The following LHFPL6 variants were observed in gnomAD, a reference collection of about 807,000 sequenced individuals.
LHFPL6 encodes LHFPL tetraspan subfamily member 6 protein.
Under a neutral mutation model 20.6 loss-of-function variants are expected in LHFPL6, and 9 were observed. That is an observed-to-expected ratio of 0.44 (90% confidence interval 0.26 to 0.76). The LOEUF (loss-of-function observed/expected upper bound fraction) is 0.76. Among genes scored for constraint, LHFPL6 ranks in the 30% least tolerant of loss-of-function variants. The probability of loss-of-function intolerance (pLI) is 0.20; values close to 1 mark genes in which losing one functional copy is unlikely to be tolerated. For synonymous variants in LHFPL6, 105 were observed against 98.7 expected (o/e 1.06, Z -0.38); for missense variants, 218 against 253.5 (o/e 0.86, Z 0.95).
intron 2 of LHFPL6, among the ~76,000 whole-genome samples, chr13:39,547,771 T>G (rs1206979285): frequency 6.6e-6 from 1 of 152,088 alleles, no homozygotes; most frequent in African/African-American, 2.4e-5. Flanking sequence ...TTTCATATTG[T>G]AAGGAATGAT....
chr13:39,391,355 T>G (rs376979328), intron 2 of LHFPL6, among the ~76,000 whole-genome samples: 2 of 152,188 alleles, frequency 1.3e-5, no homozygotes, highest in Admixed American at 6.5e-5. Context: ...GTGGCTATGT[T>G]CCCCTTTGGC....
At chr13:39,550,856 T>C (rs538773367) in intron 2 of LHFPL6, among the ~76,000 whole-genome samples, 2 of 152,264 alleles carry the variant, frequency 1.3e-5, no homozygotes, top group South Asian at 2.1e-4. Context: ...TTAAAGAGTA[T>C]GTTAGGTTTT....
chr13:39,569,202 G>A (rs1871834451), intron 2 of LHFPL6, among the ~76,000 whole-genome samples: 1 of 151,792 alleles, frequency 6.6e-6, no homozygotes, highest in South Asian at 2.1e-4. Flanking sequence ...TTGATGGACA[G>A]ATATAAACTG....
At chr13:39,533,463 A>G (rs550283493) in intron 2 of LHFPL6, among the ~76,000 whole-genome samples, 1 of 152,308 alleles carries the variant, frequency 6.6e-6, no homozygotes, top group South Asian at 2.1e-4. Flanking sequence ...TTCTAAAGGT[A>G]TGGCCGGGAA....
intron 2 of LHFPL6, among the ~76,000 whole-genome samples, chr13:39,464,113 G>A (rs1872746309): frequency 6.6e-6 from 1 of 152,100 alleles, no homozygotes; most frequent in Non-Finnish European, 1.5e-5. Flanking sequence ...TTTCAAGTAG[G>A]TCTGTGACTT....
chr13:39,356,587 T>G (rs760826912), intron 3 of LHFPL6, among the ~76,000 whole-genome samples: 1 of 152,152 alleles, frequency 6.6e-6, no homozygotes, highest in African/African-American at 2.4e-5. Context: ...ACTTGGTTCT[T>G]TGGAAGGATG....
intron 3 of LHFPL6, among the ~76,000 whole-genome samples, chr13:39,346,697 A>G (rs1311113581): frequency 6.6e-6 from 1 of 152,208 alleles, no homozygotes; most frequent in East Asian, 1.9e-4. Flanking sequence ...TATCATCACC[A>G]ACAGCAAAGT....
At chr13:39,479,587 A>G (rs1868435241) in intron 2 of LHFPL6, among the ~76,000 whole-genome samples, 1 of 152,176 alleles carries the variant, frequency 6.6e-6, no homozygotes, top group African/African-American at 2.4e-5. Context: ...TCATAGCTAA[A>G]TTGATACTTA....
At chr13:39,366,600 G>T (rs1870019414) in intron 3 of LHFPL6, among the ~76,000 whole-genome samples, 1 of 152,276 alleles carries the variant, frequency 6.6e-6, no homozygotes, top group East Asian at 1.9e-4. Flanking sequence ...TACTCTATTT[G>T]CAATGTAACA....
intron 2 of LHFPL6, among the ~76,000 whole-genome samples, chr13:39,559,682 G>A (rs963461589): frequency 6.6e-6 from 1 of 152,130 alleles, no homozygotes; most frequent in African/African-American, 2.4e-5. Context: ...CTAGAAGAAC[G>A]GGTGAAAAGT....
chr13:39,494,558 T>C (rs1478048127), intron 2 of LHFPL6, among the ~76,000 whole-genome samples: 1 of 152,190 alleles, frequency 6.6e-6, no homozygotes, highest in Non-Finnish European at 1.5e-5. Flanking sequence ...CTGAATGTTA[T>C]TTATAAAATC....
At chr13:39,389,037 T>C (rs979686333) in intron 2 of LHFPL6, among the ~76,000 whole-genome samples, 1 of 152,206 alleles carries the variant, frequency 6.6e-6, no homozygotes, top group Non-Finnish European at 1.5e-5. Flanking sequence ...AAGCCGTGCA[T>C]AGACAGAGTT....
chr13:39,568,480 CAG>C (rs1455187506), intron 2 of LHFPL6, among the ~76,000 whole-genome samples: 2 of 152,014 alleles, frequency 1.3e-5, no homozygotes, highest in African/African-American at 4.8e-5. Context: ...GCTATGTAAA[CAG>C]AGCAAAACAC....
intron 2 of LHFPL6, among the ~76,000 whole-genome samples, chr13:39,514,538 T>C (rs943543456): frequency 6.6e-6 from 1 of 152,120 alleles, no homozygotes; most frequent in Non-Finnish European, 1.5e-5. Flanking sequence ...CACAATAATC[T>C]AGGCAGGAAC....
At chr13:39,378,340 T>C in intron 3 of LHFPL6, 88 bp downstream of exon 3, 1 of 1,068,492 alleles carries the variant, frequency 9.4e-7, no homozygotes, top group Non-Finnish European at 1.4e-6. Flanking sequence ...AGGTTTTTCT[T>C]ATCTGTCCCC....
At position 39,520,606 on chromosome 13, in the gene LHFPL6, C is replaced by G. The variant is rs1440100704; in HGVS notation, c.385+80226G>C. Among the ~76,000 whole-genome samples the G allele has an allele frequency of 3.3e-5, 5 of 152,206 alleles. 1 individual carries two copies. The highest frequency in any genetic ancestry group is 3.3e-4 in the Admixed American group (5 of 15,284). On this transcript the variant is annotated intron_variant, in intron 2 of 3. Transcript: ENST00000379589. ...GAAAAGAAAGCAGGACTCCTGTTAT[C>G]AGAACTGTGGTCAAAGGTGGGATTT... is the stretch of plus-strand genomic sequence containing the variant.
At chr13:39,591,101 C>T (rs1020597268) in intron 2 of LHFPL6, among the ~76,000 whole-genome samples, 6 of 152,136 alleles carry the variant, frequency 3.9e-5, no homozygotes, top group Admixed American at 2.6e-4. Flanking sequence ...CTCTATATCC[C>T]ACTATTTTAA....
At chr13:39,593,474 CA>C (rs768764365) in intron 2 of LHFPL6, among the ~76,000 whole-genome samples, 8 of 151,926 alleles carry the variant, frequency 5.3e-5, no homozygotes, top group Non-Finnish European at 1.0e-4. Context: ...AGGATACAAA[CA>C]AATGGAAGAA....
At chr13:39,562,011 T>C (rs1406196462) in intron 2 of LHFPL6, among the ~76,000 whole-genome samples, 1 of 152,208 alleles carries the variant, frequency 6.6e-6, no homozygotes, top group Non-Finnish European at 1.5e-5. Flanking sequence ...TTTCAAGTTC[T>C]GTATTCTTTT....
Sources: allele counts gnomAD v4.1 joint callset (sites outside exome capture counted in the v4.1 genomes callset), GRCh38; gene constraint gnomAD v4.1.1; transcripts MANE v1.5; gene names NCBI Gene and HGNC (gene_info 2026-07-23, HGNC 2026-07-21).